RALGPS1: variants seen among roughly 807,000 people sequenced by gnomAD.
The protein encoded by RALGPS1 is ras-specific guanine nucleotide-releasing factor RalGPS1.
RALGPS1 carries 19 observed loss-of-function variants against 78.8 expected under a neutral mutation model. The ratio of observed to expected loss-of-function variants is 0.24; its 90% CI spans 0.17 to 0.35. RALGPS1 has a LOEUF of 0.35. Among genes scored for constraint, RALGPS1 ranks in the 10% least tolerant of loss-of-function variants. The probability of loss-of-function intolerance (pLI) is 1.00; values close to 1 mark genes in which losing one functional copy is unlikely to be tolerated. For missense variants in RALGPS1, 454 were observed against 688.3 expected (o/e 0.66, Z 3.81); for synonymous variants, 228 against 256.3 (o/e 0.89, Z 1.06).
chr9:126,936,200 C>T (rs553602034), intron 1 of RALGPS1, among the ~76,000 whole-genome samples: 3 of 152,194 alleles, frequency 2.0e-5, no homozygotes, highest in Non-Finnish European at 4.4e-5. Context: ...AGAGAACCTG[C>T]ACTCACTGAC....
At position 127,220,377 on chromosome 9, in the gene RALGPS1, C is replaced by A. The variant is rs2062740606; in HGVS notation, c.*1608C>A. The stretch of plus-strand genomic sequence containing the variant: ...TATTTTGACCAAATAATGACAACTT[C>A]TTTAGAAATTTGAATGGCTTGGTGA... On this transcript the variant is annotated 3_prime_UTR_variant, in exon 19 of 19. Coordinates refer to ENST00000259351, the MANE Select transcript of RALGPS1 (RefSeq NM_014636.3). The A allele has an allele frequency of 6.6e-6, 1 of 152,198 alleles. No homozygotes were observed. The highest frequency in any genetic ancestry group is 2.1e-4 in the South Asian group (1 of 4,826). 9.4% of individuals were successfully genotyped at this position (152,198 alleles called of 1,614,324 possible).
chr9:127,073,020 A>G (rs2050339377), intron 8 of RALGPS1, among the ~76,000 whole-genome samples: 1 of 152,252 alleles, frequency 6.6e-6, no homozygotes, highest in African/African-American at 2.4e-5. Flanking sequence ...TAGAATGTAT[A>G]ATAATCAAGT....
chr9:126,927,126 G>A (rs768163250), intron 1 of RALGPS1, among the ~76,000 whole-genome samples: 1 of 152,134 alleles, frequency 6.6e-6, no homozygotes, highest in Non-Finnish European at 1.5e-5. Context: ...AGTGTTTGCG[G>A]GGAGGGAGGC....
chr9:127,060,361 G>A (rs776961184), intron 7 of RALGPS1, among the ~76,000 whole-genome samples: 6 of 152,158 alleles, frequency 3.9e-5, no homozygotes, highest in Admixed American at 2.6e-4. Context: ...AGAAATGAGG[G>A]GCATGGAGAT....
rs2048598464 is a variant in RALGPS1, at chr9:127,054,995, TTGAGAGAG to T, written c.483+2057_483+2064del. On this transcript the variant is annotated intron_variant, in intron 7 of 18. Transcript: ENST00000259351. ...TCTCTGAAAAAGAGAGAGAGATTGA[TTGAGAGAG>T]AGAGAGAGAGAGAGAGAGAGAGAGA... Among the ~76,000 whole-genome samples the T allele has an allele frequency of 1.4e-4, 9 of 66,176 alleles. No individual in the cohort carries two copies. In the South Asian group the frequency reaches 2.3e-3, roughly 17 times the overall value. 43.4% of individuals were successfully genotyped at this position (66,176 alleles called of 152,430 possible). A position where few individuals can be genotyped will look rare whatever the true frequency, so the allele number is the denominator to read the frequency against.
intron 1 of RALGPS1, among the ~76,000 whole-genome samples, chr9:126,927,627 GCAGA>G: frequency 6.6e-6 from 1 of 152,300 alleles, no homozygotes; most frequent in East Asian, 1.9e-4. Flanking sequence ...GCTGTTTGCT[GCAGA>G]CAGTCTCTAC....
intron 8 of RALGPS1, among the ~76,000 whole-genome samples, chr9:127,080,197 T>C (rs978257782): frequency 6.6e-6 from 1 of 152,192 alleles, no homozygotes; most frequent in African/African-American, 2.4e-5. Context: ...AGGAAGCCTG[T>C]TGTTCCCTGA....
At chr9:127,043,449 A>T (rs1048666433) in intron 5 of RALGPS1, among the ~76,000 whole-genome samples, 2 of 152,320 alleles carry the variant, frequency 1.3e-5, no homozygotes, top group African/African-American at 4.8e-5. Context: ...CCTTTCCTAA[A>T]AATTAATTGA....
chr9:127,212,437 A>G lies in RALGPS1; in HGVS notation c.1354-190A>G, dbSNP rs2062321926. Among the ~76,000 whole-genome samples, 1 of 152,210 alleles carries G rather than the reference A, an allele frequency of 6.6e-6. No homozygotes were observed. The highest frequency in any genetic ancestry group is 1.5e-5 in the Non-Finnish European group (1 of 68,024). ...GGAAGGCTCCTTGAGTAAAGGAGCA[A>G]GAGACGGGAGGGAAGACGCCTCCTG... On this transcript the variant is annotated intron_variant, in intron 15 of 18. Transcript: ENST00000259351. This position sits in a 1 kb window ranked among gnomAD's most constrained non-coding sequence, Gnocchi z 6.0.
At chr9:127,041,031 T>TTGTGTGTGTGTGTGTGTG (rs58541875) in intron 5 of RALGPS1, among the ~76,000 whole-genome samples, 10,235 of 135,568 alleles carry the variant, frequency 0.075, 587 homozygotes, top group Non-Finnish European at 0.099. Flanking sequence ...CTACAAACAT[T>TTGTGTGTGTGTGTGTGTG]TGTGTGTGTG....
intron 8 of RALGPS1, among the ~76,000 whole-genome samples, chr9:127,098,979 C>T (rs571970079): frequency 9.2e-5 from 14 of 152,314 alleles, no homozygotes; most frequent in East Asian, 3.9e-4. Flanking sequence ...AACATGGCTC[C>T]GTGAATATCT....
chr9:127,219,844 G>A lies in RALGPS1; in HGVS notation c.*1075G>A, dbSNP rs2062726807. On this transcript the variant is annotated 3_prime_UTR_variant, in exon 19 of 19. Coordinates refer to ENST00000259351, the MANE Select transcript of RALGPS1 (RefSeq NM_014636.3). The surrounding 1 kb of genome is among the most constrained non-coding windows in gnomAD (Gnocchi z 5.0). Reference sequence around the variant, plus strand: ...ATTCCTGATCATGACGGGAAGCTGAGTGACCCTGAGGCCTTAAGCTTCCCC... The same window carrying A: ...ATTCCTGATCATGACGGGAAGCTGAATGACCCTGAGGCCTTAAGCTTCCCC... The A allele has an allele frequency of 6.5e-6, 1 of 152,674 alleles. No homozygotes were observed. The highest frequency in any genetic ancestry group is 6.5e-5 in the Admixed American group (1 of 15,290). 9.5% of individuals were successfully genotyped at this position (152,674 alleles called of 1,614,324 possible). A position where few individuals can be genotyped will look rare whatever the true frequency, so the allele number is the denominator to read the frequency against.
rs547050047 is a variant in RALGPS1, at chr9:126,952,630, A to T, written c.-65-9595A>T. ...ATCTGATGTGCTGTGGCTGTGGCTG[A>T]GAGAGAGAGAGAGAGAGAGAGAGAG... On this transcript the variant is annotated intron_variant, in intron 1 of 18. Transcript: ENST00000259351. Among the ~76,000 whole-genome samples, 20 of 90,712 alleles carry T rather than the reference A, an allele frequency of 2.2e-4. No homozygotes were observed. In the South Asian group the frequency reaches 4.0e-3, roughly 18 times the overall value. 59.5% of individuals were successfully genotyped at this position (90,712 alleles called of 152,430 possible).
chr9:127,191,691 T>G (rs60082826), intron 11 of RALGPS1, among the ~76,000 whole-genome samples: 1,870 of 113,780 alleles, frequency 0.016, 47 homozygotes, highest in African/African-American at 0.047. Context: ...GTTTTTTGGG[T>G]TTTTTTTTGT....
At chr9:127,144,301 G>A (rs563325798) in intron 8 of RALGPS1, among the ~76,000 whole-genome samples, 137 of 152,160 alleles carry the variant, frequency 9.0e-4, no homozygotes, top group African/African-American at 3.2e-3. Context: ...TGGACGATTC[G>A]TGCAGGAACA....
intron 4 of RALGPS1, among the ~76,000 whole-genome samples, chr9:126,998,986 G>A (rs2043031841): frequency 8.1e-6 from 1 of 122,984 alleles, no homozygotes; most frequent in Non-Finnish European, 1.6e-5. Context: ...TGTGGACACA[G>A]GAAGGGGAAC....
At chr9:127,088,703 TG>T in intron 8 of RALGPS1, 1 of 574,616 alleles carries the variant, frequency 1.7e-6, no homozygotes, top group East Asian at 2.9e-5. Flanking sequence ...TCTGTAGTCC[TG>T]TCCTGTCCTG....
At chr9:127,179,143 C>G (rs370805972) in intron 11 of RALGPS1, among the ~76,000 whole-genome samples, 1 of 152,206 alleles carries the variant, frequency 6.6e-6, no homozygotes, top group South Asian at 2.1e-4. Context: ...CAGAGCAAGC[C>G]CCAGCTCATA....
Position 127,093,823 on chromosome 9 carries a change from G to A in RALGPS1, c.610+24467G>A, listed in dbSNP as rs142881433. 5.3e-5 allele frequency: 85 copies of A among 1,614,066 alleles called. No individual in the cohort carries two copies. The South Asian group carries it at 6.7e-4, about 13-fold the overall frequency. On this transcript the variant is annotated intron_variant, in intron 8 of 18. Transcript: ENST00000259351. The stretch of plus-strand genomic sequence containing the variant: ...AGCCCCCGGGGTCGTGTCTCTGGTC[G>A]CACCACACCTGCATGAGGCGGTTGG...
Sources: allele counts gnomAD v4.1 joint callset (sites outside exome capture counted in the v4.1 genomes callset), GRCh38; gene constraint gnomAD v4.1.1; non-coding constraint Gnocchi (gnomAD v3.1); transcripts MANE v1.5; gene names NCBI Gene and HGNC (gene_info 2026-07-23, HGNC 2026-07-21).